The following ZHX2 variants were observed in gnomAD, a reference collection of about 807,000 sequenced individuals.
The protein encoded by ZHX2 is zinc fingers and homeoboxes protein 2.
ZHX2 carries 6 observed loss-of-function variants against 21.9 expected under a neutral mutation model. That is an observed-to-expected ratio of 0.27 (90% CI 0.15 to 0.54). The LOEUF is 0.54. Among genes scored for constraint, ZHX2 ranks in the 20% least tolerant of loss-of-function variants. The probability of loss-of-function intolerance (pLI) is 0.95; values close to 1 mark genes in which losing one functional copy is unlikely to be tolerated. For synonymous variants in ZHX2, 434 were observed against 437.1 expected (o/e 0.99, Z 0.09); for missense variants, 908 against 1,090.7 (o/e 0.83, Z 2.36).
intron 1 of ZHX2, among the ~76,000 whole-genome samples, chr8:122,826,217 A>G (rs1214128639): frequency 6.6e-6 from 1 of 152,224 alleles, no homozygotes; most frequent in Non-Finnish European, 1.5e-5. Context: ...CATATTTTGC[A>G]TTTAAAAAGG....
intron 2 of ZHX2, among the ~76,000 whole-genome samples, chr8:122,932,631 A>G (rs78949976): frequency 0.012 from 1,848 of 152,336 alleles, 37 homozygotes; most frequent in African/African-American, 0.042. Context: ...ACTCCATCTC[A>G]AAAAGAAACC....
chr8:122,812,101 G>C (rs1329941614), intron 1 of ZHX2: 1 of 152,230 alleles, frequency 6.6e-6, no homozygotes, highest in Non-Finnish European at 1.5e-5. Context: ...CGAGGGAAGT[G>C]GAGGAGTGAG....
At chr8:122,853,299 C>A (rs1281062199) in intron 1 of ZHX2, among the ~76,000 whole-genome samples, 1 of 152,156 alleles carries the variant, frequency 6.6e-6, no homozygotes, top group Non-Finnish European at 1.5e-5. Flanking sequence ...TCCTTCTGAT[C>A]CCCACAACTC....
chr8:122,964,452 T>C (rs1813530104), intron 3 of ZHX2, among the ~76,000 whole-genome samples: 2 of 152,210 alleles, frequency 1.3e-5, no homozygotes, highest in South Asian at 4.1e-4. Flanking sequence ...CACATTTGAC[T>C]TGTGTATGTT....
intron 1 of ZHX2, among the ~76,000 whole-genome samples, chr8:122,836,125 T>G (rs1017830064): frequency 5.3e-5 from 8 of 152,080 alleles, no homozygotes; most frequent in Non-Finnish European, 1.2e-4. Context: ...CTGCTGCCAT[T>G]TTCGTTCCCA....
In ZHX2 at chr8:122,848,052, TCAAA is replaced by T. The variant is rs570249840; in HGVS notation, c.-282-15421_-282-15418del. Among the ~76,000 whole-genome samples, 320 of 152,334 alleles carry T rather than the reference TCAAA, an allele frequency of 2.1e-3. No individual in the cohort carries two copies. In the Middle Eastern group the frequency reaches 0.048, roughly 23 times the overall value. Reference sequence around the variant, plus strand: ...AGAAAGTCCGCCGCAGGGAGCTCTTTCAAACAATGGCTCTCCTTTGGTCGGCTCA... The same window carrying T: ...AGAAAGTCCGCCGCAGGGAGCTCTTTCAATGGCTCTCCTTTGGTCGGCTCA... On this transcript the variant is annotated intron_variant, in intron 1 of 3. Transcript: ENST00000314393.
chr8:122,851,156 G>A (rs962389331), intron 1 of ZHX2, among the ~76,000 whole-genome samples: 2 of 152,174 alleles, frequency 1.3e-5, no homozygotes, highest in Admixed American at 6.5e-5. Flanking sequence ...GGAAGGCTGT[G>A]ATTAGGCTGG....
chr8:122,886,681 A>G (rs748167319), intron 2 of ZHX2, among the ~76,000 whole-genome samples: 1 of 152,236 alleles, frequency 6.6e-6, no homozygotes, highest in Non-Finnish European at 1.5e-5. Flanking sequence ...AAGCAATGTG[A>G]TATAACAGAA....
At chr8:122,891,269 ATTGTGTGTGTGTGTGTGTGT>A (rs1230050917) in intron 2 of ZHX2, among the ~76,000 whole-genome samples, 1,432 of 138,826 alleles carry the variant, frequency 0.01, 17 homozygotes, top group African/African-American at 0.012. Flanking sequence ...ATCTTGGTAG[ATTGTGTGTGTGTGTGTGTGT>A]GTGTGTGTGT....
chr8:122,836,473 G>A (rs1031625567), intron 1 of ZHX2, among the ~76,000 whole-genome samples: 3 of 152,124 alleles, frequency 2.0e-5, no homozygotes, highest in South Asian at 2.1e-4. Context: ...TTCTTGTATC[G>A]GTTCGAACCC....
intron 2 of ZHX2, among the ~76,000 whole-genome samples, chr8:122,936,646 T>A (rs1189391323): frequency 6.6e-6 from 1 of 152,198 alleles, no homozygotes; most frequent in Non-Finnish European, 1.5e-5. Context: ...TCAAACTGGT[T>A]TAAACAAATT....
intron 2 of ZHX2, among the ~76,000 whole-genome samples, chr8:122,901,576 T>G (rs925493767): frequency 6.6e-6 from 1 of 152,218 alleles, no homozygotes; most frequent in African/African-American, 2.4e-5. Flanking sequence ...TCAAATCTCA[T>G]AAAACCTAAT....
At chr8:122,950,602 C>T (rs539804570) in intron 2 of ZHX2, among the ~76,000 whole-genome samples, 39 of 152,176 alleles carry the variant, frequency 2.6e-4, no homozygotes, top group African/African-American at 9.4e-4. Context: ...TTAAAAAAGT[C>T]CAATGGCTGA....
At chr8:122,875,725 G>T (rs1222859971) in intron 2 of ZHX2, among the ~76,000 whole-genome samples, 2 of 152,234 alleles carry the variant, frequency 1.3e-5, no homozygotes, top group East Asian at 1.9e-4. Context: ...CTGCCTGGGG[G>T]TGCGGGTCCC....
At chr8:122,816,809 G>T (rs886775158) in intron 1 of ZHX2, among the ~76,000 whole-genome samples, 1 of 152,086 alleles carries the variant, frequency 6.6e-6, no homozygotes, top group Non-Finnish European at 1.5e-5. Flanking sequence ...CTCTTAAGAG[G>T]CTATGTTAGT....
intron 3 of ZHX2, among the ~76,000 whole-genome samples, chr8:122,970,982 C>T (rs911699503): frequency 6.6e-5 from 10 of 152,228 alleles, no homozygotes; most frequent in African/African-American, 2.2e-4. Flanking sequence ...AATTAAGAAT[C>T]AGGAGGCTCT....
intron 2 of ZHX2, among the ~76,000 whole-genome samples, chr8:122,916,471 G>A (rs1438640064): frequency 2.6e-5 from 4 of 152,110 alleles, no homozygotes; most frequent in Non-Finnish European, 4.4e-5. Flanking sequence ...GAGGGGCTTC[G>A]GTGCCTTTCT....
rs1379028540 is a variant in ZHX2, at chr8:122,828,732, G to A, written c.-282-34745G>A. On this transcript the variant is annotated intron_variant, in intron 1 of 3. Coordinates refer to ENST00000314393, the MANE Select transcript of ZHX2 (RefSeq NM_014943.5). This position sits in a 1 kb window ranked among gnomAD's most constrained non-coding sequence, Gnocchi z 5.2. ...CAGGTGTGTTCCCACGCTTCGCAGG[G>A]CTGATGGATCGTGCCTGCAAAGGGG... Among the ~76,000 whole-genome samples the A allele has an allele frequency of 6.6e-6, 1 of 152,220 alleles. No individual in the cohort carries two copies. Among genetic ancestry groups the A allele is most frequent in the East Asian group, 1.9e-4 (1 of 5,192 alleles).
rs770933782 is a variant in ZHX2, at chr8:122,951,485, T to C, written c.-26T>C. The C allele has an allele frequency of 3.8e-6, 6 of 1,576,554 alleles. No homozygotes were observed. Among genetic ancestry groups the C allele is most frequent in the South Asian group, 1.1e-5 (1 of 87,666 alleles). ...CCCCCTCCTTATCCCCCTCCAAAAA[T>C]AAGCCATTGCACACAGACAGGCAGC... On this transcript the variant is annotated 5_prime_UTR_variant, in exon 3 of 4. Transcript: ENST00000314393.
Sources: gnomAD v4.1 joint callset for allele counts (sites outside exome capture counted in the v4.1 genomes callset) on GRCh38, gnomAD v4.1.1 for gene constraint, Gnocchi (gnomAD v3.1) non-coding constraint, MANE v1.5 for transcripts, NCBI Gene and HGNC (gene_info 2026-07-23, HGNC 2026-07-21) for gene names.